DDX31: variants seen among roughly 807,000 people sequenced by gnomAD.
DDX31 encodes DEAD-box helicase 31, also known as ATP-dependent DNA helicase DDX31.
DDX31 carries 70 observed loss-of-function variants against 91.3 expected under a neutral mutation model. That is an observed-to-expected ratio of 0.77 (90% CI 0.63 to 0.94). The LOEUF is 0.94. Ranked by LOEUF, DDX31 falls within the 40% of genes least tolerant of loss-of-function variation. The pLI is 0.00. For missense variants in DDX31, 902 were observed against 925.0 expected, an observed-to-expected ratio of 0.98 and a Z score of 0.32; for synonymous variants, 362 against 350.6, an observed-to-expected ratio of 1.03 and a Z score of -0.36.
At chr9:132,612,308 T>A in intron 18 of DDX31, 53 bp from the exon 19 acceptor site, 1 of 1,608,148 alleles carries the variant, frequency 6.2e-7, no homozygotes, top group East Asian at 2.2e-5. Flanking sequence ...GTCTCCAAGC[T>A]CCAAAGTGCC....
At chr9:132,641,797 C>A (rs564896156) in intron 14 of DDX31, among the ~76,000 whole-genome samples, 2 of 152,266 alleles carry the variant, frequency 1.3e-5, no homozygotes, top group African/African-American at 4.8e-5. Context: ...GAGCAAATTG[C>A]CAAGTCTTCT....
chr9:132,635,146 G>A (rs1833029163), intron 14 of DDX31, among the ~76,000 whole-genome samples: 1 of 152,166 alleles, frequency 6.6e-6, no homozygotes, highest in South Asian at 2.1e-4. Flanking sequence ...ATGGTTCCAT[G>A]TCGGGAAACA....
chr9:132,646,102 CATATTTT>C (rs1453253913), intron 12 of DDX31, 31 bp from the exon 13 acceptor site: 9 of 1,601,122 alleles, frequency 5.6e-6, no homozygotes, highest in Non-Finnish European at 7.7e-6. Context: ...GAAAAACCGA[CATATTTT>C]AAGATTAGGT....
intron 6 of DDX31, among the ~76,000 whole-genome samples, chr9:132,657,364 A>T (rs1011070014): frequency 2.6e-5 from 4 of 152,198 alleles, no homozygotes; most frequent in Non-Finnish European, 4.4e-5. Context: ...CAACACTTTC[A>T]TCCACTCATT....
chr9:132,607,424 G>A (rs980870136), intron 19 of DDX31, among the ~76,000 whole-genome samples: 3 of 152,212 alleles, frequency 2.0e-5, no homozygotes, highest in Admixed American at 1.3e-4. Flanking sequence ...GAAGCTAGGA[G>A]CAACAGGGGG....
At position 132,648,218 on chromosome 9, in the gene DDX31, T is replaced by A. The variant is rs915311439; in HGVS notation, c.938A>T (p.Asn313Ile). The change falls in exon 11 of 20, where the codon AAT becomes ATT. Residue 313 changes from asparagine to isoleucine, a missense_variant. Physicochemically the swap from Asn to Ile is moderately radical, Grantham distance 149 (BLOSUM62 -3). Coordinates refer to ENST00000372159, the MANE Select transcript of DDX31 (RefSeq NM_022779.9). ...AVNAECQKRQ[N>I]VLLSATLTEG... ...TGTGAGTGTCGCTGATAGCAAGACATTCTGTCGTTTTTGGCATTCAGCATT... is the reference window on the plus strand; with the variant it reads ...TGTGAGTGTCGCTGATAGCAAGACAATCTGTCGTTTTTGGCATTCAGCATT... 1 of 1,613,944 alleles carries A rather than the reference T, an allele frequency of 6.2e-7. No individual in the cohort carries two copies. The highest frequency in any genetic ancestry group is 8.5e-7 in the Non-Finnish European group (1 of 1,180,006).
chr9:132,660,529 G>C (rs1834870102), intron 4 of DDX31, among the ~76,000 whole-genome samples: 1 of 152,106 alleles, frequency 6.6e-6, no homozygotes, highest in Non-Finnish European at 1.5e-5. Flanking sequence ...CCATTCTCCA[G>C]GAAAAGGTTA....
At chr9:132,606,789 C>T (rs186759660) in intron 19 of DDX31, among the ~76,000 whole-genome samples, 31 of 152,192 alleles carry the variant, frequency 2.0e-4, no homozygotes, top group Admixed American at 8.5e-4. Flanking sequence ...CTCCCAGAGT[C>T]GGCATGTAAG....
chr9:132,647,129 CA>C, intron 11 of DDX31, 71 bp from the exon 12 acceptor site: 1 of 1,375,438 alleles, frequency 7.3e-7, no homozygotes. Flanking sequence ...AGCGTACCCC[CA>C]TACAGCACCC....
chr9:132,638,860 T>C (rs1208037269), intron 14 of DDX31, among the ~76,000 whole-genome samples: 3 of 152,204 alleles, frequency 2.0e-5, no homozygotes, highest in Non-Finnish European at 4.4e-5. Context: ...CACACTGCTA[T>C]TTCCAAATTT....
chr9:132,613,917 T>G (rs1831490332), intron 18 of DDX31, among the ~76,000 whole-genome samples: 1 of 152,190 alleles, frequency 6.6e-6, no homozygotes, highest in Admixed American at 6.5e-5. Context: ...GGGGACATCC[T>G]GCAAACACTC....
intron 14 of DDX31, chr9:132,637,922 G>A (rs903716316): frequency 1.3e-5 from 13 of 996,492 alleles, no homozygotes; most frequent in African/African-American, 1.7e-5. Flanking sequence ...CTTCACAGCC[G>A]TATCTCCTTT....
chr9:132,640,382 G>A (rs1480184558), intron 14 of DDX31, among the ~76,000 whole-genome samples: 1 of 152,160 alleles, frequency 6.6e-6, no homozygotes, highest in Non-Finnish European at 1.5e-5. Flanking sequence ...TGAAAGAGGG[G>A]GCTGTTTTGC....
intron 19 of DDX31, among the ~76,000 whole-genome samples, chr9:132,603,394 G>T (rs1242083329): frequency 6.6e-6 from 1 of 152,236 alleles, no homozygotes; most frequent in Non-Finnish European, 1.5e-5. Flanking sequence ...ATGAAGAAGA[G>T]TGTGGAGGGG....
chr9:132,619,315 T>A (rs915217605), intron 17 of DDX31, among the ~76,000 whole-genome samples: 12 of 152,212 alleles, frequency 7.9e-5, no homozygotes, highest in African/African-American at 2.9e-4. Flanking sequence ...TTCCACCCAA[T>A]GAGGCCAACC....
At chr9:132,598,312 T>TGCA (rs1342306403) in intron 19 of DDX31, among the ~76,000 whole-genome samples, 1 of 152,222 alleles carries the variant, frequency 6.6e-6, no homozygotes, top group Non-Finnish European at 1.5e-5. Context: ...TCTGCCAAGC[T>TGCA]GCAGTGCTCC....
chr9:132,669,903 T>C lies in DDX31; in HGVS notation c.32A>G (p.Asn11Ser), dbSNP rs1218346868. 6.3e-7 allele frequency: 1 copy of C among 1,597,194 alleles called. No individual in the cohort carries two copies. Among genetic ancestry groups the C allele is most frequent in the Non-Finnish European group, 8.5e-7 (1 of 1,172,908 alleles). Reference sequence around the variant, plus strand: ...GGGACGTCTGGAGAACGTCCTGGGGTTGTCGAAGAGCGAACCGTCGGCGGC... The same window carrying C: ...GGGACGTCTGGAGAACGTCCTGGGGCTGTCGAAGAGCGAACCGTCGGCGGC... MAAADGSLFD[N>S]PRTFSRRPPA... Residue 11 changes from asparagine to serine, a missense_variant, in exon 1 of 20, where the codon AAC becomes AGC. By Grantham distance (46) the Asn-to-Ser change is conservative. Transcript: ENST00000372159.
intron 19 of DDX31, among the ~76,000 whole-genome samples, chr9:132,596,778 G>A (rs1830456693): frequency 6.6e-6 from 1 of 152,182 alleles, no homozygotes; most frequent in Non-Finnish European, 1.5e-5. Context: ...GATGTGATGG[G>A]AGGGGTCCTC....
chr9:132,669,518 T>TTAGAG, intron 1 of DDX31: 1 of 1,342,276 alleles, frequency 7.5e-7, no homozygotes. Flanking sequence ...GGAAACTGGC[T>TTAGAG]TAGAGAAGTT....
Sources: allele counts gnomAD v4.1 joint callset (sites outside exome capture counted in the v4.1 genomes callset), GRCh38; gene constraint gnomAD v4.1.1; transcripts MANE v1.5; gene names NCBI Gene and HGNC (gene_info 2026-07-23, HGNC 2026-07-21).